RNF123: variants seen among roughly 807,000 people sequenced by gnomAD.
RNF123 encodes the protein ring finger protein 123.
RNF123 carries 86 observed loss-of-function variants against 168.5 expected under a neutral mutation model. The ratio of observed to expected loss-of-function variants is 0.51; its 90% CI spans 0.43 to 0.61. The LOEUF is 0.61. Among genes scored for constraint, RNF123 ranks in the 20% least tolerant of loss-of-function variants. The pLI, the probability that RNF123 is intolerant of heterozygous loss-of-function variation, is 0.00. For missense variants in RNF123, 1,419 were observed against 1,729.7 expected (o/e 0.82, Z 3.19); for synonymous variants, 666 against 689.1 (o/e 0.97, Z 0.52).
chr3:49,716,004 T>C lies in RNF123; in HGVS notation c.3333T>C (p.Leu1111=). The change falls in exon 33 of 39, where the codon CTT becomes CTC. Residue 1111 remains leucine (L), a synonymous_variant. Coordinates refer to ENST00000327697, the MANE Select transcript of RNF123 (RefSeq NM_022064.5). ...RPTSEMLLRR[L]AQLLNQVLNR... is the part of the protein sequence containing the mutation. ...CCTCTGAGATGCTGCTGCGGCGTCT[T>C]GCACAGGTGTGGCCATCTGGGCAAC... is the stretch of plus-strand genomic sequence containing the variant. 1 of 1,613,972 alleles carries C rather than the reference T, an allele frequency of 6.2e-7. No individual in the cohort carries two copies. Among genetic ancestry groups the C allele is most frequent in the Non-Finnish European group, 8.5e-7 (1 of 1,180,018 alleles).
At position 49,712,660 on chromosome 3, in the gene RNF123, ATG is replaced by A. The variant is rs1468723248; in HGVS notation, c.2674+5_2674+6del. On this transcript the variant is annotated splice_donor_5th_base_variant and intron_variant, in intron 27 of 38. Coordinates refer to ENST00000327697, the MANE Select transcript of RNF123 (RefSeq NM_022064.5). ...CACAGCATGGAGGAGCTCCCAGGTGATGGAACCATTCAGGCTGAGGCAGAAGC... is the reference window on the plus strand; with the variant it reads ...CACAGCATGGAGGAGCTCCCAGGTGAGAACCATTCAGGCTGAGGCAGAAGC... 6.2e-7 allele frequency: 1 copy of A among 1,613,998 alleles called. No individual in the cohort carries two copies. The highest frequency in any genetic ancestry group is 8.5e-7 in the Non-Finnish European group (1 of 1,180,034).
chr3:49,718,186 T>A (rs2080288717), intron 35 of RNF123: 4 of 1,612,884 alleles, frequency 2.5e-6, no homozygotes, highest in Non-Finnish European at 3.4e-6. Flanking sequence ...GCTCAGCTCT[T>A]GGAGCGGGCT....
At chr3:49,720,401 C>A in intron 35 of RNF123, 110 bp from the exon 36 acceptor site, 1 of 1,116,364 alleles carries the variant, frequency 9.0e-7, no homozygotes, top group Non-Finnish European at 1.2e-6. Context: ...GGAAAGGATG[C>A]AGGGGGGGTG....
intron 25 of RNF123, 117 bp from the exon 26 acceptor site, chr3:49,706,674 C>T (rs968482480): frequency 2.4e-6 from 2 of 844,012 alleles, no homozygotes; most frequent in African/African-American, 1.7e-5. Flanking sequence ...AAAAATGGAG[C>T]CCAATCCCTT....
chr3:49,702,341 C>T lies in RNF123; in HGVS notation c.1565C>T (p.Ala522Val). 3 of 1,614,200 alleles carry T rather than the reference C, an allele frequency of 1.9e-6. No homozygotes were observed. ...CTTTTCCCTCTCTCAAAGGGTGAAG[C>T]TTCTAGGTATATCTTCCTGACCAAG... Reference protein sequence around the residue: ...LDNKDDNGGEASRYIFLTKFR... With the variant: ...LDNKDDNGGEVSRYIFLTKFR... The change falls in exon 19 of 39, where the codon GCT becomes GTT. Residue 522 changes from alanine to valine, a missense_variant. By Grantham distance (64) the Ala-to-Val change is moderately conservative. Around this residue, in one of 5 missense-constraint regions of RNF123, gnomAD observed 349 missense variants for 344.9 expected, o/e 1.01. Transcript: ENST00000327697.
chr3:49,703,368 TG>T (rs2108186858), intron 20 of RNF123, 58 bp from the exon 21 acceptor site: 2 of 1,391,002 alleles, frequency 1.4e-6, no homozygotes, highest in Admixed American at 1.8e-5. Context: ...GGGAGGGCTG[TG>T]GGGAGGGTCT....
At chr3:49,703,679 C>T in intron 21 of RNF123, 151 bp downstream of exon 21, 1 of 617,052 alleles carries the variant, frequency 1.6e-6, no homozygotes, top group Non-Finnish European at 2.9e-6. Context: ...ACTGATCTGC[C>T]TGCCCTACAT....
intron 31 of RNF123, among the ~76,000 whole-genome samples, chr3:49,714,984 C>T (rs1248115703): frequency 1.3e-5 from 2 of 152,254 alleles, no homozygotes; most frequent in Admixed American, 6.5e-5. Flanking sequence ...GCAGTGGGGC[C>T]AGGCCTGTCC....
Position 49,700,695 on chromosome 3 carries a change from G to A in RNF123, c.1263G>A (p.Leu421=). The A allele has an allele frequency of 6.2e-7, 1 of 1,614,216 alleles. No homozygotes were observed. Among genetic ancestry groups the A allele is most frequent in the Non-Finnish European group, 8.5e-7 (1 of 1,180,050 alleles). ...GGCATGAGAAGTCCCGCAAGTTTCT[G>A]CTTAGCAATGTCCTGTATCCTTTCC... is the stretch of plus-strand genomic sequence containing the variant. ...ILRHEKSRKF[L]LSNVLFDVLR... is the part of the protein sequence containing the mutation. The change falls in exon 15 of 39, where the codon CTG becomes CTA. Residue 421 remains leucine (L), a synonymous_variant. Coordinates refer to ENST00000327697, the MANE Select transcript of RNF123 (RefSeq NM_022064.5).
chr3:49,693,239 G>A (rs1299019036), intron 3 of RNF123, among the ~76,000 whole-genome samples: 17 of 151,694 alleles, frequency 1.1e-4, no homozygotes, highest in Non-Finnish European at 2.5e-4. Flanking sequence ...TAGTAGAGAC[G>A]GGGTTTCACC....
chr3:49,699,474 A>G lies in RNF123; in HGVS notation c.771A>G (p.Pro257=), dbSNP rs145834474. The stretch of plus-strand genomic sequence containing the variant: ...GCTGGCTTAACTCTGGCACCTACCC[A>G]GTGGCAGGCTACCGGCCCCTGCAGG... ...FNFGSRPLRY[P]VAGYRPLQDP... is the part of the protein sequence containing the mutation. Residue 257 remains proline (P), a synonymous_variant, in exon 11 of 39, where the codon CCA becomes CCG. Transcript: ENST00000327697. The surrounding 1 kb of genome is among the most constrained non-coding windows in gnomAD (Gnocchi z 4.8). 1,317 of 1,601,678 alleles carry G rather than the reference A, an allele frequency of 8.2e-4. 14 individuals carry two copies. The African/African-American group carries it at 0.015, about 18-fold the overall frequency.
In RNF123 at chr3:49,715,675, C is replaced by T. The variant is rs1199116784; in HGVS notation, c.3111C>T (p.Leu1037=). The T allele has an allele frequency of 3.7e-6, 6 of 1,614,114 alleles. No homozygotes were observed. The highest frequency in any genetic ancestry group is 2.2e-5 in the East Asian group (1 of 44,886). Reference sequence around the variant, plus strand: ...TCCTCAACAGCGTCCTCAATCAGCTCAACTGGGCCTTCTCTGAATTCATTG... The same window carrying T: ...TCCTCAACAGCGTCCTCAATCAGCTTAACTGGGCCTTCTCTGAATTCATTG... ...PSFLNSVLNQ[L]NWAFSEFIGM... The change falls in exon 32 of 39, where the codon CTC becomes CTT. Residue 1037 remains leucine (L), a synonymous_variant. Coordinates refer to ENST00000327697, the MANE Select transcript of RNF123 (RefSeq NM_022064.5).
Position 49,716,013 on chromosome 3 carries a change from G to A in RNF123, c.3339+3G>A. The A allele has an allele frequency of 3.7e-6, 6 of 1,613,936 alleles. No homozygotes were observed. The highest frequency in any genetic ancestry group is 5.1e-6 in the Non-Finnish European group (6 of 1,180,008). On this transcript the variant is annotated splice_donor_region_variant and intron_variant, in intron 33 of 38. Transcript: ENST00000327697. ...TGCTGCTGCGGCGTCTTGCACAGGT[G>A]TGGCCATCTGGGCAACAAGGGTGGG...
At chr3:49,718,294 C>G in intron 35 of RNF123, 1 of 1,613,140 alleles carries the variant, frequency 6.2e-7, no homozygotes, top group Non-Finnish European at 8.5e-7. Context: ...GCCCACGGCA[C>G]AGCCCAGCAG....
At chr3:49,706,934 ACTGT>A (rs757365985) in intron 26 of RNF123, 36 bp downstream of exon 26, 17 of 1,571,840 alleles carry the variant, frequency 1.1e-5, no homozygotes, top group South Asian at 5.5e-5. Flanking sequence ...TCCCGACCTC[ACTGT>A]CTGGCCACGG....
At position 49,691,198 on chromosome 3, in the gene RNF123, C is replaced by T. The variant is rs1414542875; in HGVS notation, c.33C>T (p.Ser11=). MASKGAGMSF[S]RKSYRLTSDA... ...CCAAGGGGGCCGGCATGTCTTTCTCCCGCAAGAGCTATAGGCTGACCTCAG... is the reference window on the plus strand; with the variant it reads ...CCAAGGGGGCCGGCATGTCTTTCTCTCGCAAGAGCTATAGGCTGACCTCAG... The change falls in exon 2 of 39, where the codon TCC becomes TCT. Residue 11 remains serine, a synonymous_variant. Transcript: ENST00000327697. 6.2e-7 allele frequency: 1 copy of T among 1,613,838 alleles called. No individual in the cohort carries two copies. Among genetic ancestry groups the T allele is most frequent in the Non-Finnish European group, 8.5e-7 (1 of 1,179,858 alleles).
In RNF123 at chr3:49,720,616, G is replaced by T; in HGVS notation, c.3606G>T (p.Leu1202=). Residue 1202 remains leucine, a synonymous_variant, in exon 36 of 39, where the codon CTG becomes CTT. Transcript: ENST00000327697. ...QPEPPAPGTA[L]PAPDRKRFSL... is the part of the protein sequence containing the mutation. ...AGCCCCCAGCACCTGGCACTGCTCTGCCAGCCCCTGACCGGAAGCGCTTCT... is the reference window on the plus strand; with the variant it reads ...AGCCCCCAGCACCTGGCACTGCTCTTCCAGCCCCTGACCGGAAGCGCTTCT... 6.2e-7 allele frequency: 1 copy of T among 1,606,004 alleles called. No individual in the cohort carries two copies.
intron 3 of RNF123, among the ~76,000 whole-genome samples, chr3:49,694,641 C>T (rs779535134): frequency 1.6e-4 from 25 of 152,220 alleles, no homozygotes; most frequent in Non-Finnish European, 1.3e-4. Flanking sequence ...TCTCTCACCC[C>T]CTCATCAGCC....
At position 49,714,153 on chromosome 3, in the gene RNF123, G is replaced by T; in HGVS notation, c.2989G>T (p.Ala997Ser). Residue 997 changes from alanine to serine, a missense_variant, in exon 31 of 39, where the codon GCC becomes TCC. Coordinates refer to ENST00000327697, the MANE Select transcript of RNF123 (RefSeq NM_022064.5). Reference protein sequence around the residue: ...PHLLKTKLEDANLPSLQKPCP... With the variant: ...PHLLKTKLEDSNLPSLQKPCP... ...TCTGCTGAAAACCAAACTTGAGGAC[G>T]CCAATTTGCCCAGCCTCCAGAGTGA... 6.2e-7 allele frequency: 1 copy of T among 1,614,132 alleles called. No individual in the cohort carries two copies. The highest frequency in any genetic ancestry group is 1.1e-5 in the South Asian group (1 of 91,080).
Sources: allele counts gnomAD v4.1 joint callset (sites outside exome capture counted in the v4.1 genomes callset), GRCh38; gene constraint gnomAD v4.1.1; regional missense constraint gnomAD v4.1.1; non-coding constraint Gnocchi (gnomAD v3.1); transcripts MANE v1.5; gene names NCBI Gene and HGNC (gene_info 2026-07-23, HGNC 2026-07-21).